CBLN2: variants seen among roughly 807,000 people sequenced by gnomAD.
CBLN2 encodes cerebellin 2 precursor, also known as cerebellin-2.
CBLN2 carries 7 observed loss-of-function variants against 15.0 expected under a neutral mutation model. That is an observed-to-expected ratio of 0.47 (90% CI 0.27 to 0.88). CBLN2 has a LOEUF of 0.88. CBLN2 is among the 40% of genes least tolerant of loss of function. The probability of loss-of-function intolerance (pLI) is 0.14; values close to 1 mark genes in which losing one functional copy is unlikely to be tolerated. For synonymous variants in CBLN2, 149 were observed against 135.2 expected (o/e 1.10, Z -0.71); for missense variants, 242 against 304.5 (o/e 0.79, Z 1.53).
intron 1 of CBLN2, among the ~76,000 whole-genome samples, chr18:72,623,621 G>A (rs1017773707): frequency 1.6e-4 from 24 of 152,094 alleles, no homozygotes; most frequent in Non-Finnish European, 3.5e-4. Flanking sequence ...TCATCACGCT[G>A]CAGACAACCA....
intron 1 of CBLN2, among the ~76,000 whole-genome samples, chr18:72,555,057 C>T (rs1371598554): frequency 6.6e-6 from 1 of 151,952 alleles, no homozygotes; most frequent in East Asian, 1.9e-4. Context: ...ATCACTTGAA[C>T]CCAGGAGGTG....
At chr18:72,608,349 T>A (rs1288934899) in intron 1 of CBLN2, among the ~76,000 whole-genome samples, 1 of 152,164 alleles carries the variant, frequency 6.6e-6, no homozygotes, top group Non-Finnish European at 1.5e-5. Flanking sequence ...CTCCCCGCTC[T>A]GTTCTTCCTT....
intron 1 of CBLN2, among the ~76,000 whole-genome samples, chr18:72,627,828 A>C (rs2069750403): frequency 6.6e-6 from 1 of 152,202 alleles, no homozygotes; most frequent in African/African-American, 2.4e-5. Flanking sequence ...TTTAAATAAA[A>C]GTTGTTCTAT....
At chr18:72,606,204 C>T (rs1391777595) in intron 1 of CBLN2, among the ~76,000 whole-genome samples, 1 of 152,120 alleles carries the variant, frequency 6.6e-6, no homozygotes, top group African/African-American at 2.4e-5. Context: ...GTCCCAAATC[C>T]AGTACAACTG....
chr18:72,584,120 G>A (rs686448), intron 1 of CBLN2, among the ~76,000 whole-genome samples: 146,627 of 152,144 alleles, frequency 0.96, 70,830 homozygotes, highest in Non-Finnish European at 1. Context: ...AAGGGCACAC[G>A]CATTGCCTGT....
At chr18:72,587,360 A>G (rs539034001) in intron 1 of CBLN2, among the ~76,000 whole-genome samples, 3 of 152,258 alleles carry the variant, frequency 2.0e-5, no homozygotes, top group African/African-American at 7.2e-5. Flanking sequence ...AAGTGAATTA[A>G]AGCTGTTACA....
At chr18:72,538,879 G>A (rs1350337742) in intron 3 of CBLN2, 107 bp from the exon 4 acceptor site, 8 of 1,444,418 alleles carry the variant, frequency 5.5e-6, no homozygotes, top group Admixed American at 2.0e-5. Context: ...CAGCGGCTGG[G>A]AACACAAATT....
chr18:72,618,997 C>A, intron 1 of CBLN2: 1 of 768,126 alleles, frequency 1.3e-6, no homozygotes, highest in Non-Finnish European at 2.3e-6. Context: ...GGATGGTCAT[C>A]ATGGATTTGG....
chr18:72,632,326 A>G (rs1284301424), intron 1 of CBLN2, among the ~76,000 whole-genome samples: 1 of 152,146 alleles, frequency 6.6e-6, no homozygotes, highest in East Asian at 1.9e-4. Context: ...TGTTTTCAAT[A>G]TATAAGACTG....
intron 1 of CBLN2, among the ~76,000 whole-genome samples, chr18:72,560,882 G>A (rs900829450): frequency 3.3e-5 from 5 of 152,138 alleles, no homozygotes; most frequent in Non-Finnish European, 4.4e-5. Context: ...GGTGGTGGGC[G>A]CCTGTGGTCC....
At chr18:72,627,588 A>G (rs1179378353) in intron 1 of CBLN2, among the ~76,000 whole-genome samples, 1 of 152,206 alleles carries the variant, frequency 6.6e-6, no homozygotes, top group Non-Finnish European at 1.5e-5. Flanking sequence ...ATTATTTGTA[A>G]CAATCATCTG....
At chr18:72,607,640 C>T (rs779601031) in intron 1 of CBLN2, among the ~76,000 whole-genome samples, 1 of 151,908 alleles carries the variant, frequency 6.6e-6, no homozygotes, top group South Asian at 2.1e-4. Flanking sequence ...CAAACTGAAG[C>T]GCTAGCCAAA....
At chr18:72,563,539 G>A (rs1182994965) in intron 1 of CBLN2, among the ~76,000 whole-genome samples, 3 of 152,098 alleles carry the variant, frequency 2.0e-5, no homozygotes, top group Non-Finnish European at 4.4e-5. Flanking sequence ...CAGCAAGGAA[G>A]TGGTAAAGAT....
chr18:72,576,929 A>T (rs2069371130), intron 1 of CBLN2, among the ~76,000 whole-genome samples: 1 of 148,082 alleles, frequency 6.8e-6, no homozygotes, highest in South Asian at 2.1e-4. Context: ...TTCATTCTAG[A>T]ATTTTATATA....
At chr18:72,626,712 A>C (rs559358416) in intron 1 of CBLN2, among the ~76,000 whole-genome samples, 146 of 152,112 alleles carry the variant, frequency 9.6e-4, no homozygotes, top group Non-Finnish European at 1.8e-3. Flanking sequence ...AAAAAGAAAA[A>C]CAACAACAAA....
chr18:72,634,603 A>G (rs553005833), intron 1 of CBLN2, among the ~76,000 whole-genome samples: 1 of 152,292 alleles, frequency 6.6e-6, no homozygotes, highest in African/African-American at 2.4e-5. Context: ...GCCAAGTGTT[A>G]GACAAGTGGT....
In CBLN2 at chr18:72,541,930, G is replaced by C. The variant is rs758434340; in HGVS notation, c.231C>G (p.Ala77=). ...VCDSSPSADG[A]VTSSLGISVR... is the part of the protein sequence containing the mutation. ...CGGAGATGCCTAGGGAGGAGGTGAC[G>C]GCGCCGTCCGCCGACGGGCTGGAGT... Residue 77 remains alanine, a synonymous_variant, in exon 3 of 5, where the codon GCC becomes GCG. Transcript: ENST00000269503. The C allele has an allele frequency of 9.3e-6, 15 of 1,607,890 alleles. No homozygotes were observed. The highest frequency in any genetic ancestry group is 2.2e-5 in the South Asian group (2 of 90,832).
chr18:72,592,950 C>T (rs959407677), intron 1 of CBLN2, among the ~76,000 whole-genome samples: 4 of 151,932 alleles, frequency 2.6e-5, no homozygotes, highest in Non-Finnish European at 5.9e-5. Context: ...ACTTTTTGCT[C>T]AGGATGACTT....
chr18:72,601,513 C>T (rs1029552822), intron 1 of CBLN2, among the ~76,000 whole-genome samples: 5 of 152,268 alleles, frequency 3.3e-5, no homozygotes, highest in South Asian at 2.1e-4. Context: ...AGGTTTCCCA[C>T]GTAAATAAAG....
Sources: allele counts gnomAD v4.1 joint callset (sites outside exome capture counted in the v4.1 genomes callset), GRCh38; gene constraint gnomAD v4.1.1; transcripts MANE v1.5; gene names NCBI Gene and HGNC (gene_info 2026-07-23, HGNC 2026-07-21).